VRTN: variants seen among roughly 807,000 people sequenced by gnomAD.
VRTN encodes the protein vertebrae development associated.
A neutral mutation model predicts 18.2 loss-of-function variants in VRTN; 5 were observed. The ratio of observed to expected loss-of-function variants is 0.27; its 90% CI spans 0.14 to 0.58. The LOEUF is 0.58. Among genes scored for constraint, VRTN ranks in the 20% least tolerant of loss-of-function variants. The pLI is 0.91. For synonymous variants in VRTN, 381 were observed against 393.7 expected (o/e 0.97, Z 0.38); for missense variants, 741 against 939.4 (o/e 0.79, Z 2.76).
chr14:74,316,352 C>G (rs1198835948), intron 1 of VRTN, among the ~76,000 whole-genome samples: 1 of 151,910 alleles, frequency 6.6e-6, no homozygotes, highest in Non-Finnish European at 1.5e-5. Context: ...TCTGTCTCTA[C>G]TAAAAATATA....
At chr14:74,305,409 A>G (rs2085340954) in intron 1 of VRTN, 1 of 170,688 alleles carries the variant, frequency 5.9e-6, no homozygotes, top group African/African-American at 2.4e-5. Context: ...ACTGGAGTGC[A>G]GCAGAGCAGA....
At chr14:74,331,544 T>TACATA in intron 1 of VRTN, among the ~76,000 whole-genome samples, 1 of 43,490 alleles carries the variant, frequency 2.3e-5, no homozygotes, top group Middle Eastern at 0.017. Flanking sequence ...AAAAAAAATT[T>TACATA]TATATATATA....
Position 74,357,171 on chromosome 14 carries a change from C to A in VRTN, c.388C>A (p.Leu130Met). The A allele has an allele frequency of 6.2e-7, 1 of 1,600,414 alleles. No individual in the cohort carries two copies. Among genetic ancestry groups the A allele is most frequent in the South Asian group, 1.1e-5 (1 of 90,884 alleles). Residue 130 changes from leucine (L) to methionine (M), a missense_variant, in exon 2 of 2, where the codon CTG becomes ATG. Coordinates refer to ENST00000256362, the MANE Select transcript of VRTN (RefSeq NM_018228.3). This position sits in a 1 kb window ranked among gnomAD's most constrained non-coding sequence, Gnocchi z 7.8. ...GGGCATGATCGACTCCAAAGTGATGCTGCAGGCCGTGCGCTACTCCCTATG... is the reference window on the plus strand; with the variant it reads ...GGGCATGATCGACTCCAAAGTGATGATGCAGGCCGTGCGCTACTCCCTATG... Reference protein sequence around the residue: ...LQGMIDSKVMLQAVRYSLCSE... With the variant: ...LQGMIDSKVMMQAVRYSLCSE...
intron 1 of VRTN, among the ~76,000 whole-genome samples, chr14:74,307,097 A>G (rs1161088320): frequency 6.7e-6 from 1 of 149,292 alleles, no homozygotes; most frequent in Non-Finnish European, 1.5e-5. Flanking sequence ...ACCACTTAGT[A>G]TACAATAAAT....
At chr14:74,319,053 G>A (rs931235272) in intron 1 of VRTN, among the ~76,000 whole-genome samples, 1 of 151,250 alleles carries the variant, frequency 6.6e-6, no homozygotes, top group Non-Finnish European at 1.5e-5. Context: ...TTTGAGATGG[G>A]GTCTCACTCT....
chr14:74,307,785 C>T (rs1472585087), intron 1 of VRTN, among the ~76,000 whole-genome samples: 1 of 151,934 alleles, frequency 6.6e-6, no homozygotes, highest in Non-Finnish European at 1.5e-5. Context: ...GGCTGGAGTG[C>T]AGTGGCGCGA....
In VRTN at chr14:74,357,914, G is replaced by T; in HGVS notation, c.1131G>T (p.Leu377=). 2 of 1,614,184 alleles carry T rather than the reference G, an allele frequency of 1.2e-6. No homozygotes were observed. Among genetic ancestry groups the T allele is most frequent in the Non-Finnish European group, 1.7e-6 (2 of 1,180,042 alleles). The part of the protein sequence containing the change: ...EVLGMEELEK[L]PEEQVAEEEL... ...TGGGCATGGAGGAGCTAGAGAAGCT[G>T]CCGGAGGAGCAGGTGGCTGAGGAGG... Residue 377 remains leucine (L), a synonymous_variant, in exon 2 of 2, where the codon CTG becomes CTT. Transcript: ENST00000256362. This position sits in a 1 kb window ranked among gnomAD's most constrained non-coding sequence, Gnocchi z 7.8.
intron 1 of VRTN, among the ~76,000 whole-genome samples, chr14:74,349,405 A>T (rs1179121894): frequency 6.6e-6 from 1 of 152,156 alleles, no homozygotes. Context: ...GCACGGCGCA[A>T]GGCTGGGTGA....
At chr14:74,318,915 G>A (rs1431398060) in intron 1 of VRTN, among the ~76,000 whole-genome samples, 2 of 149,298 alleles carry the variant, frequency 1.3e-5, no homozygotes, top group Admixed American at 6.7e-5. Flanking sequence ...GGGTTTCACC[G>A]TGTTGGTCAG....
chr14:74,359,812 A>G lies in VRTN; in HGVS notation c.*920A>G, dbSNP rs549791085. On this transcript the variant is annotated 3_prime_UTR_variant, in exon 2 of 2. Transcript: ENST00000256362. ...GTCTCTGCTTGTGGGTGCTTGATCC[A>G]CCTGCTGGGACCCTGCAGTCCTCGG... The G allele has an allele frequency of 8.4e-5, 14 of 166,842 alleles. No homozygotes were observed. The highest frequency in any genetic ancestry group is 2.1e-4 in the Non-Finnish European group (14 of 68,112). The allele number at this position is 166,842 out of a possible 1,614,324, so 10.3% of individuals were successfully genotyped here.
chr14:74,332,656 CCTAAT>C, intron 1 of VRTN, among the ~76,000 whole-genome samples: 1 of 151,890 alleles, frequency 6.6e-6, no homozygotes. Context: ...TGCCTGGCCT[CCTAAT>C]CTATTTTTTT....
chr14:74,331,861 A>G (rs539499506), intron 1 of VRTN, among the ~76,000 whole-genome samples: 4 of 151,974 alleles, frequency 2.6e-5, no homozygotes, highest in Non-Finnish European at 4.4e-5. Flanking sequence ...GTTCAACTCC[A>G]AATTCCGTAC....
At chr14:74,306,173 T>TATATATATA (rs1491480014) in intron 1 of VRTN, 42 of 48,010 alleles carry the variant, frequency 8.7e-4, no homozygotes, top group African/African-American at 4.1e-3. Context: ...TATATATATA[T>TATATATATA]TTTTTTTTTT....
chr14:74,320,649 T>A (rs1185458077), intron 1 of VRTN, among the ~76,000 whole-genome samples: 1 of 115,378 alleles, frequency 8.7e-6, no homozygotes, highest in African/African-American at 3.3e-5. Context: ...TGCAGTGGCG[T>A]GATCTCGGCT....
In VRTN at chr14:74,357,323, C is replaced by T. The variant is rs201686456; in HGVS notation, c.540C>T (p.Ala180=). The stretch of plus-strand genomic sequence containing the variant: ...ACGTGTGGCACTTGTATGCTCTCGC[C>T]TCTGTCCTCCAGCGGAACATCTACT... The part of the protein sequence containing the change: ...FSNVWHLYAL[A]SVLQRNIYSI... Residue 180 remains alanine, a synonymous_variant, in exon 2 of 2, where the codon GCC becomes GCT. Coordinates refer to ENST00000256362, the MANE Select transcript of VRTN (RefSeq NM_018228.3). The surrounding 1 kb of genome is among the most constrained non-coding windows in gnomAD (Gnocchi z 7.8). 9.3e-6 allele frequency: 15 copies of T among 1,613,958 alleles called. No homozygotes were observed. Among genetic ancestry groups the T allele is most frequent in the Non-Finnish European group, 1.3e-5 (15 of 1,179,964 alleles).
Position 74,358,575 on chromosome 14 carries a change from G to A in VRTN, c.1792G>A (p.Asp598Asn). Reference protein sequence around the residue: ...MAPPVGASSEDVEGGPSREGA... With the variant: ...MAPPVGASSENVEGGPSREGA... ...CCCACCTGTGGGGGCTTCTTCAGAA[G>A]ATGTAGAGGGAGGGCCTTCCAGAGA... The change falls in exon 2 of 2, where the codon GAT (aspartate) becomes AAT (asparagine). Residue 598 changes from aspartate to asparagine, a missense_variant. Physicochemically the swap from Asp to Asn is conservative, Grantham distance 23 (BLOSUM62 1). Coordinates refer to ENST00000256362, the MANE Select transcript of VRTN (RefSeq NM_018228.3). The surrounding 1 kb of genome is among the most constrained non-coding windows in gnomAD (Gnocchi z 5.4). 6.2e-7 allele frequency: 1 copy of A among 1,604,726 alleles called. No individual in the cohort carries two copies. Among genetic ancestry groups the A allele is most frequent in the Non-Finnish European group, 8.5e-7 (1 of 1,174,892 alleles).
Position 74,357,954 on chromosome 14 carries a change from G to A in VRTN, c.1171G>A (p.Ala391Thr), listed in dbSNP as rs753556589. 6.2e-6 allele frequency: 10 copies of A among 1,614,224 alleles called. No homozygotes were observed. Among genetic ancestry groups the A allele is most frequent in the Admixed American group, 3.3e-5 (2 of 60,026 alleles). Reference sequence around the variant, plus strand: ...GGCTGAGGAGGAGCTGGAGTGCTCCGCACTGGCGGTGTCAAGCCCTGGAAT... The same window carrying A: ...GGCTGAGGAGGAGCTGGAGTGCTCCACACTGGCGGTGTCAAGCCCTGGAAT... Reference protein sequence around the residue: ...QVAEEELECSALAVSSPGMVL... With the variant: ...QVAEEELECSTLAVSSPGMVL... Residue 391 changes from alanine to threonine, a missense_variant, in exon 2 of 2, where the codon GCA (alanine) becomes ACA (threonine). By Grantham distance (58) the Ala-to-Thr change is moderately conservative (BLOSUM62 0). Around this residue, in one of 3 missense-constraint regions of VRTN, gnomAD observed 494 missense variants for 546.5 expected, o/e 0.90. Transcript: ENST00000256362. This position sits in a 1 kb window ranked among gnomAD's most constrained non-coding sequence, Gnocchi z 7.8.
chr14:74,333,369 C>T (rs890195292), intron 1 of VRTN, among the ~76,000 whole-genome samples: 2 of 151,852 alleles, frequency 1.3e-5, no homozygotes, highest in African/African-American at 4.8e-5. Flanking sequence ...GGCGACAGAG[C>T]GAGACTCCAT....
intron 1 of VRTN, among the ~76,000 whole-genome samples, chr14:74,335,015 C>G (rs2085554367): frequency 6.6e-6 from 1 of 152,142 alleles, no homozygotes; most frequent in South Asian, 2.1e-4. Context: ...GGCACGGTGG[C>G]TCACACCTGT....
Sources: allele counts gnomAD v4.1 joint callset (sites outside exome capture counted in the v4.1 genomes callset), GRCh38; gene constraint gnomAD v4.1.1; regional missense constraint gnomAD v4.1.1; non-coding constraint Gnocchi (gnomAD v3.1); transcripts MANE v1.5; gene names NCBI Gene and HGNC (gene_info 2026-07-23, HGNC 2026-07-21).